The following TCF7L2 variants were observed in gnomAD, a reference collection of about 807,000 sequenced individuals.
The protein encoded by TCF7L2 is transcription factor 7 like 2.
TCF7L2 carries 23 observed loss-of-function variants against 77.9 expected under a neutral mutation model. The observed-to-expected ratio is 0.30, with a 90% confidence interval of 0.21 to 0.42. TCF7L2 has a LOEUF of 0.42. Ranked by LOEUF, TCF7L2 falls within the 10% of genes least tolerant of loss-of-function variation. The pLI is 1.00. For synonymous variants in TCF7L2, 413 were observed against 340.2 expected (o/e 1.21, Z -2.36); for missense variants, 654 against 793.1 (o/e 0.82, Z 2.11).
intron 4 of TCF7L2, among the ~76,000 whole-genome samples, chr10:112,977,690 T>C (rs546761488): frequency 6.6e-6 from 1 of 152,312 alleles, no homozygotes; most frequent in African/African-American, 2.4e-5. Context: ...GTTTAATTCA[T>C]TTGGACCAAT....
intron 4 of TCF7L2, among the ~76,000 whole-genome samples, chr10:113,036,822 A>G (rs564162316): frequency 1.3e-5 from 2 of 152,328 alleles, no homozygotes; most frequent in African/African-American, 4.8e-5. Context: ...CACATTGAAC[A>G]GCCTGAGAGG....
At chr10:113,009,073 C>T (rs1042814902) in intron 4 of TCF7L2, among the ~76,000 whole-genome samples, 1 of 152,156 alleles carries the variant, frequency 6.6e-6, no homozygotes, top group Non-Finnish European at 1.5e-5. Context: ...GTAGCTGGGA[C>T]TGTAGGCTGG....
At chr10:113,005,710 G>T (rs79369780) in intron 4 of TCF7L2, among the ~76,000 whole-genome samples, 2,698 of 152,240 alleles carry the variant, frequency 0.018, 35 homozygotes, top group Non-Finnish European at 0.021. Context: ...GGTTGGCTGG[G>T]GGGGAGGAGG....
At chr10:112,989,684 T>C (rs914183231) in intron 4 of TCF7L2, among the ~76,000 whole-genome samples, 1 of 152,176 alleles carries the variant, frequency 6.6e-6, no homozygotes, top group Non-Finnish European at 1.5e-5. Flanking sequence ...AGTCCTTGCT[T>C]GCTGTGGGTA....
chr10:113,126,887 C>CGCGGCCG (rs993829383), intron 5 of TCF7L2: 3 of 985,502 alleles, frequency 3.0e-6, no homozygotes, highest in Non-Finnish European at 3.6e-6. Context: ...AGATGGTAAG[C>CGCGGCCG]GCGGCCGGCG....
chr10:112,961,397 GCA>G (rs2035189745), intron 3 of TCF7L2, among the ~76,000 whole-genome samples: 1 of 152,074 alleles, frequency 6.6e-6, no homozygotes, highest in South Asian at 2.1e-4. Flanking sequence ...ATATTCCAAA[GCA>G]CACAAATGGC....
intron 12 of TCF7L2, among the ~76,000 whole-genome samples, chr10:113,158,320 G>A (rs112098510): frequency 1.4e-3 from 206 of 152,290 alleles, no homozygotes; most frequent in African/African-American, 4.7e-3. Context: ...AATAACTGCA[G>A]AGCCTATAAC....
At chr10:113,022,387 G>A (rs2048397186) in intron 4 of TCF7L2, among the ~76,000 whole-genome samples, 1 of 152,188 alleles carries the variant, frequency 6.6e-6, no homozygotes, top group African/African-American at 2.4e-5. Flanking sequence ...GAGAGATGCA[G>A]CGACTTAGAA....
At chr10:113,087,217 T>C (rs1438344315) in intron 5 of TCF7L2, among the ~76,000 whole-genome samples, 2 of 152,196 alleles carry the variant, frequency 1.3e-5, no homozygotes, top group Non-Finnish European at 2.9e-5. Context: ...TAATGTACAA[T>C]TTCCTCTAAG....
At chr10:113,123,497 C>T (rs111715518) in intron 5 of TCF7L2, among the ~76,000 whole-genome samples, 3 of 152,250 alleles carry the variant, frequency 2.0e-5, no homozygotes, top group South Asian at 2.1e-4. Context: ...ATGGGGGAAA[C>T]GTCTGCACAT....
intron 5 of TCF7L2, among the ~76,000 whole-genome samples, chr10:113,106,309 A>G (rs894354006): frequency 6.6e-6 from 1 of 152,232 alleles, no homozygotes; most frequent in Non-Finnish European, 1.5e-5. Flanking sequence ...GCTCAGAGAA[A>G]GAAGACTGCT....
At chr10:113,002,139 C>T (rs2044601691) in intron 4 of TCF7L2, among the ~76,000 whole-genome samples, 1 of 152,120 alleles carries the variant, frequency 6.6e-6, no homozygotes, top group African/African-American at 2.4e-5. Context: ...AGGTTGTGTT[C>T]AGGTTTGTAT....
At chr10:113,140,497 C>G (rs1449841838) in intron 5 of TCF7L2, among the ~76,000 whole-genome samples, 1 of 152,128 alleles carries the variant, frequency 6.6e-6, no homozygotes, top group Non-Finnish European at 1.5e-5. Context: ...TCCCGGATGA[C>G]TTTCTAATGA....
At chr10:113,090,756 G>C (rs539230434) in intron 5 of TCF7L2, among the ~76,000 whole-genome samples, 1 of 148,816 alleles carries the variant, frequency 6.7e-6, no homozygotes, top group Non-Finnish European at 1.5e-5. Flanking sequence ...CTACAGGTGC[G>C]CGCCACCAAG....
At chr10:113,017,324 G>A (rs1275782288) in intron 4 of TCF7L2, among the ~76,000 whole-genome samples, 2 of 152,196 alleles carry the variant, frequency 1.3e-5, no homozygotes, top group African/African-American at 4.8e-5. Context: ...GCAGGGTGCT[G>A]TGTGGTTGGT....
chr10:113,152,543 G>A (rs1388021321), intron 11 of TCF7L2, 103 bp downstream of exon 11: 6 of 944,384 alleles, frequency 6.4e-6, no homozygotes, highest in Non-Finnish European at 8.0e-6. Context: ...GTGGGCCTCA[G>A]GACCATCCAA....
Position 113,158,756 on chromosome 10 carries a change from A to G in TCF7L2, c.1318+687A>G, listed in dbSNP as rs201759316. ...TTTGAGTCATTAAAATAGTTGATAA[A>G]CTGTTTTTTAATTTTTCTTGCCATT... On this transcript the variant is annotated intron_variant, in intron 12 of 13. Coordinates refer to ENST00000627217, the MANE Select transcript of TCF7L2 (RefSeq NM_001146274.2). The G allele has an allele frequency of 2.5e-6, 4 of 1,592,310 alleles. No homozygotes were observed. The East Asian group carries it at 8.9e-5, about 36-fold the overall frequency.
chr10:113,090,570 TA>T (rs1456873793), intron 5 of TCF7L2, among the ~76,000 whole-genome samples: 7 of 152,264 alleles, frequency 4.6e-5, no homozygotes, highest in Non-Finnish European at 1.0e-4. Context: ...TAAAAATACA[TA>T]AAGAAAATGT....
intron 5 of TCF7L2, among the ~76,000 whole-genome samples, chr10:113,103,775 C>G (rs1309354441): frequency 6.6e-6 from 1 of 152,162 alleles, no homozygotes; most frequent in Non-Finnish European, 1.5e-5. Flanking sequence ...GTGTGTGGTC[C>G]TTGCTGCTGT....
Sources: gnomAD v4.1 joint callset for allele counts (sites outside exome capture counted in the v4.1 genomes callset) on GRCh38, gnomAD v4.1.1 for gene constraint, MANE v1.5 for transcripts, NCBI Gene and HGNC (gene_info 2026-07-23, HGNC 2026-07-21) for gene names.